Variants in AGMO observed in about 807,000 individuals in gnomAD.
AGMO encodes glyceryl-ether monooxygenase.
A neutral mutation model predicts 60.2 loss-of-function variants in AGMO; 75 were observed. The observed-to-expected ratio is 1.25, with a 90% CI of 1.03 to 1.51. The LOEUF is 1.51. AGMO is among the 40% of genes most tolerant of loss of function. The probability of loss-of-function intolerance (pLI) is 0.00; values close to 1 mark genes in which losing one functional copy is unlikely to be tolerated. For synonymous variants in AGMO, 261 were observed against 177.1 expected (o/e 1.47, Z -3.76); for missense variants, 763 against 525.5 (o/e 1.45, Z -4.42).
intron 12 of AGMO, among the ~76,000 whole-genome samples, chr7:15,321,564 C>T (rs537802281): frequency 6.6e-6 from 1 of 152,198 alleles, no homozygotes; most frequent in South Asian, 2.1e-4. Context: ...AAAAGATACT[C>T]ATCTCTACAC....
the AGMO span, among the ~76,000 whole-genome samples, chr7:15,162,300 T>C: frequency 6.6e-6 from 1 of 152,120 alleles, no homozygotes; most frequent in Non-Finnish European, 1.5e-5. Flanking sequence ...CTAATACACC[T>C]TTAATAATTT....
At chr7:15,184,328 AGG>A in the AGMO span, among the ~76,000 whole-genome samples, 1 of 92,086 alleles carries the variant, frequency 1.1e-5, no homozygotes, top group Non-Finnish European at 2.1e-5. Context: ...GGAGGGAAGG[AGG>A]AAGGAAGGAA....
At chr7:15,259,984 A>G (rs1031893275) in intron 12 of AGMO, among the ~76,000 whole-genome samples, 1 of 150,334 alleles carries the variant, frequency 6.7e-6, no homozygotes, top group African/African-American at 2.4e-5. Context: ...ACCTCCTTAC[A>G]GTATAAATCT....
chr7:15,190,406 A>T, the AGMO span, among the ~76,000 whole-genome samples: 1 of 151,940 alleles, frequency 6.6e-6, no homozygotes, highest in Non-Finnish European at 1.5e-5. Context: ...GCACACAGAG[A>T]GTAAAGTAGA....
intron 12 of AGMO, among the ~76,000 whole-genome samples, chr7:15,340,695 G>A (rs1349103758): frequency 2.6e-5 from 4 of 152,184 alleles, no homozygotes; most frequent in South Asian, 2.1e-4. Context: ...TGAGATTTGG[G>A]AACCTCCACC....
intron 8 of AGMO, among the ~76,000 whole-genome samples, chr7:15,390,146 A>T (rs889481747): frequency 6.6e-6 from 1 of 152,132 alleles, no homozygotes; most frequent in Non-Finnish European, 1.5e-5. Context: ...GAGACCAATG[A>T]ACAACCAGTA....
At chr7:15,530,747 T>G (rs1325946271) in intron 3 of AGMO, among the ~76,000 whole-genome samples, 1 of 141,726 alleles carries the variant, frequency 7.1e-6, no homozygotes, top group Non-Finnish European at 1.5e-5. Context: ...TATACATTTC[T>G]ATATAGATAT....
chr7:15,246,520 G>A (rs1210267233), intron 12 of AGMO, among the ~76,000 whole-genome samples: 1 of 152,104 alleles, frequency 6.6e-6, no homozygotes, highest in Non-Finnish European at 1.5e-5. Context: ...GAAAACAGAA[G>A]CTATCAAATA....
chr7:15,393,447 GTATAA>G (rs771728829), intron 6 of AGMO, among the ~76,000 whole-genome samples: 7 of 152,168 alleles, frequency 4.6e-5, no homozygotes, highest in South Asian at 2.1e-4. Context: ...TCCATTACAT[GTATAA>G]TATAAGATTT....
intron 2 of AGMO, among the ~76,000 whole-genome samples, chr7:15,551,301 T>C (rs1194180886): frequency 6.6e-6 from 1 of 151,698 alleles, no homozygotes; most frequent in Admixed American, 6.6e-5. Context: ...CAACATAGTG[T>C]TGGAAGTTCT....
intron 3 of AGMO, among the ~76,000 whole-genome samples, chr7:15,449,195 ATTTATAATGAAG>A (rs1293427537): frequency 2.6e-4 from 39 of 152,346 alleles, no homozygotes; most frequent in African/African-American, 9.4e-4. Context: ...TGCAAACATT[ATTTATAATGAAG>A]TTCAATATAC....
In AGMO at chr7:15,203,491, T is replaced by TC. The variant is rs555181936; in HGVS notation, c.1264-2133dup. Among the ~76,000 whole-genome samples the TC allele has an allele frequency of 8.7e-4, 132 of 152,136 alleles. No individual in the cohort carries two copies. In the Middle Eastern group the frequency reaches 0.01, roughly 12 times the overall value. On this transcript the variant is annotated intron_variant, in intron 12 of 12. Transcript: ENST00000342526. ...GAAGTTAGCAGTCTTATTTTTTTTT[T>TC]CTTTTCTTTTTTTTTGTTTTTTTTT...
chr7:15,531,750 G>T (rs1319210530), intron 3 of AGMO, among the ~76,000 whole-genome samples: 2 of 149,488 alleles, frequency 1.3e-5, no homozygotes, highest in African/African-American at 4.9e-5. Flanking sequence ...TCCCCACCTT[G>T]CTGCTGTTCA....
intron 3 of AGMO, among the ~76,000 whole-genome samples, chr7:15,450,586 G>A (rs1002022121): frequency 1.4e-4 from 21 of 152,150 alleles, no homozygotes; most frequent in African/African-American, 5.1e-4. Flanking sequence ...TTGTAGTTCA[G>A]AGAAATATTT....
chr7:15,132,198 G>A, the AGMO span, among the ~76,000 whole-genome samples: 2 of 152,064 alleles, frequency 1.3e-5, no homozygotes, highest in African/African-American at 4.8e-5. Flanking sequence ...TGATATTAGA[G>A]GAGTATAAAA....
rs1372757606 is a variant in AGMO at position 15,442,403 on chromosome 7, A to T, written c.410-11295T>A. ...TGCTACAACAGGAGGAAGAGGTCTT[A>T]TGTAATATTCTTTGACTTTTTGGCA... is the stretch of plus-strand genomic sequence containing the variant. On this transcript the variant is annotated intron_variant, in intron 3 of 12. Coordinates refer to ENST00000342526, the MANE Select transcript of AGMO (RefSeq NM_001004320.2). Among the ~76,000 whole-genome samples, 8 of 152,266 alleles carry T rather than the reference A, an allele frequency of 5.3e-5. No homozygotes were observed. In the East Asian group the frequency reaches 1.6e-3, roughly 30 times the overall value.
chr7:15,362,795 A>G (rs116445318), intron 12 of AGMO, among the ~76,000 whole-genome samples: 4 of 152,208 alleles, frequency 2.6e-5, no homozygotes, highest in Non-Finnish European at 4.4e-5. Context: ...AGTTAAATTG[A>G]TAAGACATTT....
In AGMO at chr7:15,485,454, T is replaced by G. The variant is rs928338347; in HGVS notation, c.410-54346A>C. ...GAAACAAAGAAGCTCAAATTACCTT[T>G]ATCTGTAGTCATGTCATAAGCTTTT... On this transcript the variant is annotated intron_variant, in intron 3 of 12. Transcript: ENST00000342526. Among the ~76,000 whole-genome samples, 139 of 152,340 alleles carry G rather than the reference T, an allele frequency of 9.1e-4. 1 individual carries two copies. The highest frequency in any genetic ancestry group is 3.2e-3 in the African/African-American group (131 of 41,582).
At chr7:15,400,454 A>T (rs1013379948) in intron 5 of AGMO, among the ~76,000 whole-genome samples, 1 of 151,978 alleles carries the variant, frequency 6.6e-6, no homozygotes, top group Admixed American at 6.6e-5. Flanking sequence ...AAGTTGAAGA[A>T]TTCTACTTTG....
Sources: gnomAD v4.1 joint callset for allele counts (sites outside exome capture counted in the v4.1 genomes callset) on GRCh38, gnomAD v4.1.1 for gene constraint, MANE v1.5 for transcripts, NCBI Gene and HGNC (gene_info 2026-07-23, HGNC 2026-07-21) for gene names.